Variants in CPVL observed in about 807,000 individuals in gnomAD.
CPVL encodes probable serine carboxypeptidase CPVL.
A neutral mutation model predicts 63.7 loss-of-function variants in CPVL; 51 were observed. That is an observed-to-expected ratio of 0.80 (90% CI 0.64 to 1.01). The LOEUF (loss-of-function observed/expected upper bound fraction) is 1.01, where lower values mean the gene tolerates loss of function less well. Ranked by LOEUF, CPVL falls within the 50% of genes least tolerant of loss-of-function variation. CPVL has a pLI of 0.00. For synonymous variants in CPVL, 195 were observed against 206.0 expected (o/e 0.95, Z 0.46); for missense variants, 530 against 573.1 (o/e 0.92, Z 0.77).
intron 3 of CPVL, among the ~76,000 whole-genome samples, chr7:29,109,735 A>T (rs544885960): frequency 1.3e-5 from 2 of 152,240 alleles, no homozygotes; most frequent in South Asian, 4.1e-4. Flanking sequence ...ACACTTAAAG[A>T]CATTCTTTCC....
intron 7 of CPVL, among the ~76,000 whole-genome samples, chr7:29,079,178 A>G (rs1276232275): frequency 6.6e-6 from 1 of 152,206 alleles, no homozygotes; most frequent in African/African-American, 2.4e-5. Flanking sequence ...CTGTTTGTGT[A>G]AGGTTAATAA....
At chr7:29,035,259 T>C (rs1339798304) in intron 11 of CPVL, among the ~76,000 whole-genome samples, 1 of 152,224 alleles carries the variant, frequency 6.6e-6, no homozygotes, top group Non-Finnish European at 1.5e-5. Context: ...TTTACTGTTA[T>C]GGAAACTGTG....
chr7:29,181,795 A>G (rs1163121044), intron 4 of CPVL, among the ~76,000 whole-genome samples: 1 of 152,188 alleles, frequency 6.6e-6, no homozygotes, highest in African/African-American at 2.4e-5. Context: ...TTTTTTCCAC[A>G]TGAATGTTCA....
intron 11 of CPVL, among the ~76,000 whole-genome samples, chr7:29,061,031 G>A (rs1791221779): frequency 6.6e-6 from 1 of 152,176 alleles, no homozygotes; most frequent in African/African-American, 2.4e-5. Flanking sequence ...CTTTTTGGTG[G>A]CATATTTTGT....
At chr7:29,071,340 C>T in intron 9 of CPVL, among the ~76,000 whole-genome samples, 1 of 152,204 alleles carries the variant, frequency 6.6e-6, no homozygotes. Flanking sequence ...TCATCTGTTA[C>T]ACACTGTGGT....
chr7:29,085,425 A>G (rs986169677), intron 7 of CPVL, among the ~76,000 whole-genome samples: 2 of 152,242 alleles, frequency 1.3e-5, no homozygotes, highest in Non-Finnish European at 2.9e-5. Flanking sequence ...GTGAATCCAC[A>G]GTACTATTTT....
chr7:29,171,734 T>C (rs1796634597), intron 5 of CPVL, among the ~76,000 whole-genome samples: 1 of 152,202 alleles, frequency 6.6e-6, no homozygotes, highest in South Asian at 2.1e-4. Context: ...CCAGTGTGTC[T>C]CCAGAGAATG....
intron 5 of CPVL, among the ~76,000 whole-genome samples, chr7:29,167,116 A>G (rs570662717): frequency 2.5e-4 from 38 of 152,302 alleles, no homozygotes; most frequent in African/African-American, 9.1e-4. Context: ...TGTCCCTGGT[A>G]ACATCCCTAC....
chr7:29,156,855 G>A (rs1443055137), intron 5 of CPVL, among the ~76,000 whole-genome samples: 1 of 152,144 alleles, frequency 6.6e-6, no homozygotes, highest in African/African-American at 2.4e-5. Flanking sequence ...GATCTATCTA[G>A]CAAAATCTGC....
At chr7:29,040,313 C>A (rs1788945772) in intron 11 of CPVL, among the ~76,000 whole-genome samples, 1 of 152,184 alleles carries the variant, frequency 6.6e-6, no homozygotes. Flanking sequence ...AACAATAATT[C>A]CCATGGGTTT....
chr7:29,184,016 G>T (rs571248845), intron 4 of CPVL, among the ~76,000 whole-genome samples: 11 of 152,128 alleles, frequency 7.2e-5, no homozygotes, highest in African/African-American at 2.2e-4. Flanking sequence ...GCTATGCATA[G>T]GTTATCTGCA....
chr7:29,179,017 TCTC>T (rs1797728329), intron 5 of CPVL, among the ~76,000 whole-genome samples: 1 of 152,068 alleles, frequency 6.6e-6, no homozygotes, highest in South Asian at 2.1e-4. Context: ...GGTTTTGAGG[TCTC>T]CTGCCTCCTT....
intron 11 of CPVL, among the ~76,000 whole-genome samples, chr7:29,059,707 T>C (rs1308792550): frequency 6.6e-6 from 1 of 152,168 alleles, no homozygotes; most frequent in Non-Finnish European, 1.5e-5. Context: ...ATAAAGGTCA[T>C]TTACAAGTGA....
chr7:29,038,607 C>T (rs1788770433), intron 11 of CPVL, among the ~76,000 whole-genome samples: 1 of 152,202 alleles, frequency 6.6e-6, no homozygotes, highest in Non-Finnish European at 1.5e-5. Flanking sequence ...GGAGCTGTAA[C>T]CCTGAGGCAC....
intron 5 of CPVL, among the ~76,000 whole-genome samples, chr7:29,093,395 A>AAAAG (rs1562765611): frequency 7.3e-6 from 1 of 136,492 alleles, no homozygotes; most frequent in Non-Finnish European, 1.6e-5. Context: ...AAAAAAAAAA[A>AAAAG]AAAGAAAGAA....
chr7:29,162,295 T>C (rs1302412045), intron 5 of CPVL, among the ~76,000 whole-genome samples: 1 of 152,142 alleles, frequency 6.6e-6, no homozygotes, highest in Admixed American at 6.6e-5. Context: ...CACACAACCA[T>C]ATAGTAGAAT....
chr7:29,022,446 G>A (rs1473576778), intron 12 of CPVL, among the ~76,000 whole-genome samples: 1 of 152,056 alleles, frequency 6.6e-6, no homozygotes, highest in African/African-American at 2.4e-5. Flanking sequence ...AGGGCCTGGG[G>A]ATTGATCAAC....
At chr7:29,093,441 GTCTTCCTCTTCTTCT>G (rs1786061415) in intron 5 of CPVL, among the ~76,000 whole-genome samples, 1 of 148,876 alleles carries the variant, frequency 6.7e-6, no homozygotes, top group Non-Finnish European at 1.5e-5. Flanking sequence ...GTTGTACATT[GTCTTCCTCTTCTTCT>G]TCTTCCTCCT....
At chr7:29,043,628 G>C (rs1789337219) in intron 11 of CPVL, among the ~76,000 whole-genome samples, 1 of 152,136 alleles carries the variant, frequency 6.6e-6, no homozygotes, top group Non-Finnish European at 1.5e-5. Flanking sequence ...AGAGCAAAAA[G>C]TTTCTGCTTT....
Sources: gnomAD v4.1 joint callset for allele counts (sites outside exome capture counted in the v4.1 genomes callset) on GRCh38, gnomAD v4.1.1 for gene constraint, MANE v1.5 for transcripts, NCBI Gene and HGNC (gene_info 2026-07-23, HGNC 2026-07-21) for gene names.